Variants in GAK observed in about 807,000 individuals in gnomAD.
The protein encoded by GAK is cyclin-G-associated kinase.
A neutral mutation model predicts 143.9 loss-of-function variants in GAK; 79 were observed. The ratio of observed to expected loss-of-function variants is 0.55; its 90% confidence interval spans 0.46 to 0.66. The LOEUF (loss-of-function observed/expected upper bound fraction) is 0.66, where lower values mean the gene tolerates loss of function less well. GAK is among the 30% of genes least tolerant of loss of function. The pLI is 0.00. For synonymous variants in GAK, 881 were observed against 765.5 expected, an observed-to-expected ratio of 1.15 and a Z score of -2.49; for missense variants, 1,693 against 1,779.7, an observed-to-expected ratio of 0.95 and a Z score of 0.88.
chr4:856,601 G>GCTCACCACCACAGGTGCTCACAC (rs1749305591), intron 24 of GAK, among the ~76,000 whole-genome samples: 3 of 99,050 alleles, frequency 3.0e-5, no homozygotes, highest in Non-Finnish European at 5.9e-5. Flanking sequence ...GGTGCTCACA[G>GCTCACCACCACAGGTGCTCACAC]CTGCTCACCA....
chr4:891,095 A>T (rs1717555741), intron 9 of GAK, among the ~76,000 whole-genome samples: 1 of 151,902 alleles, frequency 6.6e-6, no homozygotes, highest in South Asian at 2.1e-4. Flanking sequence ...AGTAGCTGGG[A>T]CTACAGGCAT....
At chr4:896,075 G>A (rs778253497) in intron 7 of GAK, among the ~76,000 whole-genome samples, 5 of 152,140 alleles carry the variant, frequency 3.3e-5, no homozygotes, top group South Asian at 2.1e-4. Context: ...CGGCCTGGGC[G>A]ACATGGTGAG....
Position 893,991 on chromosome 4 carries a change from A to G in GAK, c.760T>C (p.Tyr254His). The change falls in exon 8 of 28, where the codon TAC (tyrosine) becomes CAC (histidine). Residue 254 changes from tyrosine to histidine, a missense_variant. By Grantham distance (83) the Tyr-to-His change is moderately conservative. Around this residue, in one of 2 missense-constraint regions of GAK, gnomAD observed 871 missense variants for 991.0 expected, o/e 0.88. Coordinates refer to ENST00000314167, the MANE Select transcript of GAK (RefSeq NM_005255.4). ...QDIWALGCIL[Y>H]LLCFRQHPFE... ...GGGTGCTGCCGGAAGCACAGCAGGT[A>G]CAAGATGCAGCCCAGGGCCTGCGGG... 3.1e-6 allele frequency: 5 copies of G among 1,609,934 alleles called. No individual in the cohort carries two copies. The highest frequency in any genetic ancestry group is 4.2e-6 in the Non-Finnish European group (5 of 1,178,364).
rs1726026180 is a variant in GAK, at chr4:932,270, A to C, written c.-83T>G. ...CCCTCGCCGTCCGGGTCAGCTCAGC[A>C]ACCGCCGGCCCGGAGGTGCACCATC... is the stretch of plus-strand genomic sequence containing the variant. On this transcript the variant is annotated 5_prime_UTR_variant, in exon 1 of 28. Transcript: ENST00000314167. This position sits in a 1 kb window ranked among gnomAD's most constrained non-coding sequence, Gnocchi z 4.0. The C allele has an allele frequency of 1.4e-6, 2 of 1,422,934 alleles. No homozygotes were observed. The highest frequency in any genetic ancestry group is 9.1e-7 in the Non-Finnish European group (1 of 1,096,780). 88.1% of individuals were successfully genotyped at this position (1,422,934 alleles called of 1,614,324 possible).
At chr4:849,834 ACC>A (rs33919242) in intron 27 of GAK, 56 bp downstream of exon 27, 172 of 947,472 alleles carry the variant, frequency 1.8e-4, no homozygotes, top group East Asian at 5.6e-4. Flanking sequence ...GCGGGGCAGG[ACC>A]CCCCCCCCGC....
chr4:912,432 G>A (rs941625963), intron 3 of GAK: 9 of 397,112 alleles, frequency 2.3e-5, no homozygotes, highest in East Asian at 5.3e-5. Context: ...GGGCCGGGCC[G>A]GGCAAGGGCC....
rs1317864193 is a variant in GAK at position 851,866 on chromosome 4, C to CCTGGGCTGGCG, written c.3391_3392insCGCCAGCCCAG (p.Trp1131SerfsTer29). The CCTGGGCTGGCG allele has an allele frequency of 1.2e-6, 2 of 1,609,022 alleles. No homozygotes were observed. The highest frequency in any genetic ancestry group is 2.7e-5 in the African/African-American group (2 of 74,802). ...GGGGGGCGGCTTGGCCTGAGGGGGCCATGAGGCGCCCTGGGCTGGCGGCCG... is the reference window on the plus strand; with the variant it reads ...GGGGGGCGGCTTGGCCTGAGGGGGCCCTGGGCTGGCGATGAGGCGCCCTGGGCTGGCGGCCG... On this transcript the variant is annotated frameshift_variant, in exon 25 of 28. Transcript: ENST00000314167. LOFTEE classifies it high-confidence loss of function.
chr4:859,387 A>G (rs1454870391), intron 24 of GAK: 1 of 1,497,038 alleles, frequency 6.7e-7, no homozygotes, highest in Non-Finnish European at 8.9e-7. Flanking sequence ...GGCTGGCAGC[A>G]GTGCCAGTGT....
intron 1 of GAK, among the ~76,000 whole-genome samples, chr4:928,708 C>G (rs1725218747): frequency 6.6e-6 from 1 of 152,172 alleles, no homozygotes; most frequent in Non-Finnish European, 1.5e-5. Flanking sequence ...CTGCAACTGT[C>G]AGTCAGTACC....
chr4:856,994 T>A (rs1749407380), intron 24 of GAK, among the ~76,000 whole-genome samples: 1 of 152,222 alleles, frequency 6.6e-6, no homozygotes, highest in African/African-American at 2.4e-5. Flanking sequence ...CTTTTCTGCC[T>A]TGTTGATGTG....
rs781556997 is a variant in GAK, at chr4:867,330, C to A, written c.2498G>T (p.Gly833Val). The change falls in exon 21 of 28, where the codon GGA (glycine) becomes GTA (valine). Residue 833 changes from glycine (G) to valine (V), a missense_variant. Gly to Val is a moderately radical substitution (Grantham distance 109). Around this residue, in one of 2 missense-constraint regions of GAK, gnomAD observed 822 missense variants for 788.7 expected, o/e 1.04. Transcript: ENST00000314167. ...CTGGCCCTCGCTGGAGATCGGGGAT[C>A]CCCCTTCATCTGACACCTCACTCTC... ...RDESEVSDEGGSPISSEGQEP... is the reference protein window; with the variant it reads ...RDESEVSDEGVSPISSEGQEP... The A allele has an allele frequency of 1.2e-5, 19 of 1,609,278 alleles. No individual in the cohort carries two copies. Among genetic ancestry groups the A allele is most frequent in the African/African-American group, 6.7e-5 (5 of 74,876 alleles).
At chr4:920,835 C>T (rs1302205030) in intron 1 of GAK, among the ~76,000 whole-genome samples, 1 of 152,148 alleles carries the variant, frequency 6.6e-6, no homozygotes, top group Non-Finnish European at 1.5e-5. Flanking sequence ...AGCCACCATG[C>T]CCGGCCCCAG....
At chr4:870,563 C>T in intron 19 of GAK, 148 bp downstream of exon 19, 2 of 721,120 alleles carry the variant, frequency 2.8e-6, no homozygotes, top group Non-Finnish European at 2.2e-6. Flanking sequence ...GACGGAGTTT[C>T]CAAAACCTCC....
chr4:904,219 C>G (rs1720618585), intron 5 of GAK, among the ~76,000 whole-genome samples: 2 of 146,284 alleles, frequency 1.4e-5, no homozygotes, highest in African/African-American at 5.2e-5. Context: ...GAGCCACTAC[C>G]TTGTGGTCCC....
chr4:926,373 G>A (rs955654990), intron 1 of GAK, among the ~76,000 whole-genome samples: 2 of 152,174 alleles, frequency 1.3e-5, no homozygotes, highest in African/African-American at 2.4e-5. Flanking sequence ...CTCCTCCAGG[G>A]CACAATGCGC....
At chr4:929,062 C>T (rs1458151327) in intron 1 of GAK, among the ~76,000 whole-genome samples, 1 of 152,184 alleles carries the variant, frequency 6.6e-6, no homozygotes, top group African/African-American at 2.4e-5. Flanking sequence ...GCGCCCGGCC[C>T]AGAACATTCT....
chr4:890,185 T>C (rs1308950562), intron 10 of GAK, among the ~76,000 whole-genome samples: 4 of 152,210 alleles, frequency 2.6e-5, no homozygotes, highest in Admixed American at 2.0e-4. Context: ...TGCTGGGGTC[T>C]TGGCCACGGC....
At chr4:889,977 G>A (rs1043198976) in intron 10 of GAK, among the ~76,000 whole-genome samples, 1 of 152,128 alleles carries the variant, frequency 6.6e-6, no homozygotes, top group Non-Finnish European at 1.5e-5. Context: ...TTCCCCCACC[G>A]CCCTCCACTG....
intron 24 of GAK, among the ~76,000 whole-genome samples, chr4:856,347 GCT>G (rs1438943401): frequency 2.2e-5 from 3 of 134,520 alleles, no homozygotes; most frequent in Non-Finnish European, 3.1e-5. Context: ...GCTCACACCT[GCT>G]CACACCTGCT....
Sources: allele counts gnomAD v4.1 joint callset (sites outside exome capture counted in the v4.1 genomes callset), GRCh38; gene constraint gnomAD v4.1.1; regional missense constraint gnomAD v4.1.1; non-coding constraint Gnocchi (gnomAD v3.1); transcripts MANE v1.5; gene names NCBI Gene and HGNC (gene_info 2026-07-23, HGNC 2026-07-21).